Variants in HDAC9 observed in about 807,000 individuals in gnomAD.
The protein encoded by HDAC9 is histone deacetylase 9, also known as MEF-2 interacting transcription repressor (MITR) protein.
A neutral mutation model predicts 139.4 loss-of-function variants in HDAC9; 41 were observed. The observed-to-expected ratio is 0.29, with a 90% CI of 0.23 to 0.38. The LOEUF (loss-of-function observed/expected upper bound fraction) is 0.38, where lower values mean the gene tolerates loss of function less well. HDAC9 is among the 10% of genes least tolerant of loss of function. HDAC9 has a pLI of 1.00. For missense variants in HDAC9, 1,147 were observed against 1,297.0 expected, an observed-to-expected ratio of 0.88 and a Z score of 1.78; for synonymous variants, 517 against 476.2, an observed-to-expected ratio of 1.09 and a Z score of -1.12.
chr7:18,547,968 G>A (rs2128646242), intron 2 of HDAC9, among the ~76,000 whole-genome samples: 1 of 150,532 alleles, frequency 6.6e-6, no homozygotes, highest in Middle Eastern at 3.4e-3. Flanking sequence ...GGTTCAAGAG[G>A]CCTTGCTCTC....
chr7:18,254,653 G>T (rs942239282), intron 2 of HDAC9, among the ~76,000 whole-genome samples: 1 of 152,148 alleles, frequency 6.6e-6, no homozygotes, highest in Non-Finnish European at 1.5e-5. Context: ...TTCAAAAATA[G>T]CAGGTTATTT....
intron 22 of HDAC9, among the ~76,000 whole-genome samples, chr7:18,890,444 A>T (rs571544708): frequency 2.0e-5 from 3 of 152,232 alleles, no homozygotes; most frequent in Admixed American, 2.0e-4. Flanking sequence ...AGATCTGCCC[A>T]TAGGATGACT....
chr7:18,822,530 T>C (rs866918961), intron 17 of HDAC9, among the ~76,000 whole-genome samples: 5 of 152,140 alleles, frequency 3.3e-5, no homozygotes, highest in Non-Finnish European at 4.4e-5. Context: ...CATTTTTGTG[T>C]TTTTAGTAGA....
chr7:18,100,816 G>A (rs1356870027), intron 1 of HDAC9, among the ~76,000 whole-genome samples: 5 of 152,028 alleles, frequency 3.3e-5, no homozygotes, highest in South Asian at 2.1e-4. Context: ...GCCAGACATC[G>A]TGAATTGTAG....
At chr7:18,739,500 T>A (rs924148804) in intron 13 of HDAC9, among the ~76,000 whole-genome samples, 17 of 152,230 alleles carry the variant, frequency 1.1e-4, no homozygotes, top group Non-Finnish European at 7.3e-5. Flanking sequence ...TTTGTTAGTT[T>A]TCCTTCTAAC....
intron 2 of HDAC9, among the ~76,000 whole-genome samples, chr7:18,554,677 A>G (rs189116020): frequency 4.1e-4 from 62 of 152,196 alleles, no homozygotes; most frequent in African/African-American, 1.4e-3. Flanking sequence ...TGCTGTGACT[A>G]TCCTCTTCTG....
Position 18,331,232 on chromosome 7 carries a change from G to A in HDAC9, c.-42+40717G>A, listed in dbSNP as rs1328005555. On this transcript the variant is annotated intron_variant, in intron 1 of 3. Transcript: ENST00000413509. ...TATTCAGATTAGTTGTTTAATTTTA[G>A]CCAATCAGGCATGTAATACATTTGT... Among the ~76,000 whole-genome samples, 6 of 151,542 alleles carry A rather than the reference G, an allele frequency of 4.0e-5. No homozygotes were observed. In the South Asian group the frequency reaches 1.2e-3, roughly 31 times the overall value.
Position 18,647,917 on chromosome 7 carries a change from C to T in HDAC9, c.1168C>T (p.Pro390Ser). 1.2e-6 allele frequency: 2 copies of T among 1,612,878 alleles called. No homozygotes were observed. Among genetic ancestry groups the T allele is most frequent in the Non-Finnish European group, 1.7e-6 (2 of 1,179,448 alleles). ...CCCTCATGTTACTTTAGAGGGAAAG[C>T]CACCCAACAGCAGCCACCAGGCTCT... ...SHPHVTLEGK[P>S]PNSSHQALLQ... The change falls in exon 10 of 26, where the codon CCA becomes TCA. Residue 390 changes from proline to serine, a missense_variant. Coordinates refer to ENST00000686413, the MANE Select transcript of HDAC9 (RefSeq NM_178425.4).
chr7:18,406,554 C>T (rs537486637), intron 1 of HDAC9, among the ~76,000 whole-genome samples: 98 of 152,048 alleles, frequency 6.4e-4, no homozygotes, highest in Non-Finnish European at 1.1e-3. Context: ...CCACCATGCC[C>T]GGCTAATTTT....
In HDAC9 at chr7:18,714,735, T is replaced by G. The variant is rs567557230; in HGVS notation, c.1732-12845T>G. Among the ~76,000 whole-genome samples the G allele has an allele frequency of 3.9e-5, 6 of 152,310 alleles. No individual in the cohort carries two copies. In the South Asian group the frequency reaches 1.0e-3, roughly 26 times the overall value. ...AGGACCCTGTACTACTCTTCATAAC[T>G]CTTACCTCCATTGCTCTTTTATAAT... On this transcript the variant is annotated intron_variant, in intron 12 of 25. Transcript: ENST00000686413.
At position 18,175,133 on chromosome 7, in the gene HDAC9, CTTTG is replaced by C. The variant is rs781211023; in HGVS notation, c.25+12788_25+12791del. On this transcript the variant is annotated intron_variant, in intron 2 of 12. Transcript: ENST00000417496. ...CCACCTAATTCTAGCTTCCTGAGCA[CTTTG>C]TTTATCTACTCAAGCGTCAGCAGTG... Among the ~76,000 whole-genome samples, 120 of 152,330 alleles carry C rather than the reference CTTTG, an allele frequency of 7.9e-4. 1 individual carries two copies. The highest frequency in any genetic ancestry group is 1.5e-3 in the Non-Finnish European group (101 of 68,030).
intron 22 of HDAC9, among the ~76,000 whole-genome samples, chr7:18,898,819 C>A (rs1001327423): frequency 1.3e-5 from 2 of 151,728 alleles, no homozygotes; most frequent in African/African-American, 4.8e-5. Flanking sequence ...TGGACATTTT[C>A]CATAAATTGA....
At chr7:18,545,240 C>G in intron 2 of HDAC9, among the ~76,000 whole-genome samples, 1 of 151,782 alleles carries the variant, frequency 6.6e-6, no homozygotes, top group Admixed American at 6.6e-5. Flanking sequence ...ACTACTAACT[C>G]AAGATAGTTC....
intron 6 of HDAC9, among the ~76,000 whole-genome samples, chr7:18,618,173 G>A (rs1168984404): frequency 6.6e-6 from 1 of 152,138 alleles, no homozygotes; most frequent in African/African-American, 2.4e-5. Flanking sequence ...AAATTAGACA[G>A]TGATTTACTA....
At chr7:18,349,307 TACACACACAC>T (rs3138825) in intron 1 of HDAC9, among the ~76,000 whole-genome samples, 5,763 of 125,762 alleles carry the variant, frequency 0.046, 166 homozygotes, top group African/African-American at 0.078. Context: ...TGAGAACATC[TACACACACAC>T]ACACACACAC....
At chr7:18,547,305 C>T (rs577332750) in intron 2 of HDAC9, among the ~76,000 whole-genome samples, 4 of 152,176 alleles carry the variant, frequency 2.6e-5, no homozygotes, top group African/African-American at 2.4e-5. Flanking sequence ...GCACGATCTC[C>T]GCTCACTGCA....
chr7:18,160,162 A>G (rs1787526466), intron 1 of HDAC9, among the ~76,000 whole-genome samples: 1 of 152,228 alleles, frequency 6.6e-6, no homozygotes, highest in South Asian at 2.1e-4. Context: ...GATGAAAAAG[A>G]TTTTTTAAAA....
chr7:18,456,197 A>C (rs1793327799), intron 1 of HDAC9, among the ~76,000 whole-genome samples: 1 of 152,148 alleles, frequency 6.6e-6, no homozygotes, highest in South Asian at 2.1e-4. Flanking sequence ...AGTCATTTGC[A>C]TTATTTGTCC....
chr7:18,732,345 C>T (rs1219842677), intron 13 of HDAC9, among the ~76,000 whole-genome samples: 4 of 151,978 alleles, frequency 2.6e-5, no homozygotes, highest in Admixed American at 2.0e-4. Context: ...ATTTTTCAAT[C>T]AATACTTTTT....
Sources: allele counts gnomAD v4.1 joint callset (sites outside exome capture counted in the v4.1 genomes callset), GRCh38; gene constraint gnomAD v4.1.1; transcripts MANE v1.5; gene names NCBI Gene and HGNC (gene_info 2026-07-23, HGNC 2026-07-21).